The following ATP8B1 variants were observed in gnomAD, a reference collection of about 807,000 sequenced individuals.
ATP8B1 encodes ATPase phospholipid transporting 8B1.
ATP8B1 carries 80 observed loss-of-function variants against 149.9 expected under a neutral mutation model. The observed-to-expected ratio is 0.53, with a 90% confidence interval of 0.45 to 0.64. The LOEUF (loss-of-function observed/expected upper bound fraction) is 0.64, where lower values mean the gene tolerates loss of function less well. Among genes scored for constraint, ATP8B1 ranks in the 30% least tolerant of loss-of-function variants. The pLI is 0.00. For synonymous variants in ATP8B1, 536 were observed against 562.8 expected (o/e 0.95, Z 0.67); for missense variants, 1,247 against 1,552.6 (o/e 0.80, Z 3.31).
intron 1 of ATP8B1, among the ~76,000 whole-genome samples, chr18:57,746,467 CTT>C (rs71171082): frequency 0.029 from 2,676 of 93,870 alleles, 43 homozygotes; most frequent in African/African-American, 0.1. Flanking sequence ...CTGATGCTTA[CTT>C]TTTTTTTTTT....
At chr18:57,709,023 G>A (rs1913560093) in intron 2 of ATP8B1, among the ~76,000 whole-genome samples, 1 of 152,188 alleles carries the variant, frequency 6.6e-6, no homozygotes, top group Non-Finnish European at 1.5e-5. Flanking sequence ...AAAGTAACCA[G>A]TATGTCTTTG....
In ATP8B1 at chr18:57,695,274, T is replaced by C. The variant is rs779002702; in HGVS notation, c.837A>G (p.Leu279=). Residue 279 remains leucine, a synonymous_variant, in exon 10 of 28, where the codon CTA becomes CTG. Coordinates refer to ENST00000648908, the MANE Select transcript of ATP8B1 (RefSeq NM_001374385.1). ...NNRLDKFTGT[L]FWRNTSFPLD... ...AAGGAAAACTTGTGTTTCTCCAAAA[T>C]AGTGTTCCTGTAAACTTATCTAGTC... 1.9e-6 allele frequency: 3 copies of C among 1,613,000 alleles called. No individual in the cohort carries two copies. The highest frequency in any genetic ancestry group is 2.2e-5 in the East Asian group (1 of 44,856).
chr18:57,732,125 A>ATG (rs1215330246), intron 1 of ATP8B1: 1 of 16,950 alleles, frequency 5.9e-5, no homozygotes, highest in Admixed American at 7.6e-4. Context: ...ATGTATATAT[A>ATG]TGTGTATATG....
rs116780922 is a variant in ATP8B1 at position 57,791,695 on chromosome 18, C to T, written c.-26+11303G>A. Among the ~76,000 whole-genome samples the T allele has an allele frequency of 5.4e-3, 822 of 152,224 alleles. 10 individuals are homozygous for T. Among genetic ancestry groups the T allele is most frequent in the African/African-American group, 0.019 (786 of 41,538 alleles). On this transcript the variant is annotated intron_variant, in intron 1 of 27. Transcript: ENST00000648908. ...GAAACATCCTAATCATATGGGTACA[C>T]CAATTTTGTTTATTCATTCATTCGT...
At chr18:57,787,378 T>G (rs2080419319) in intron 1 of ATP8B1, among the ~76,000 whole-genome samples, 1 of 152,110 alleles carries the variant, frequency 6.6e-6, no homozygotes, top group Admixed American at 6.5e-5. Context: ...TCTAGAGCAC[T>G]GCGAGAGGAG....
intron 2 of ATP8B1, among the ~76,000 whole-genome samples, chr18:57,708,157 C>CAAA (rs36027330): frequency 5.5e-4 from 37 of 67,032 alleles, no homozygotes; most frequent in Non-Finnish European, 7.0e-4. Context: ...AACTCTGTCT[C>CAAA]AAAAAAAAAA....
chr18:57,715,197 C>G (rs1485768034), intron 2 of ATP8B1, among the ~76,000 whole-genome samples: 2 of 152,064 alleles, frequency 1.3e-5, no homozygotes, highest in Non-Finnish European at 2.9e-5. Context: ...AGCTGAAATT[C>G]CGGAGTTGAA....
At chr18:57,701,534 A>C (rs1913121954) in intron 4 of ATP8B1, among the ~76,000 whole-genome samples, 1 of 152,196 alleles carries the variant, frequency 6.6e-6, no homozygotes, top group Non-Finnish European at 1.5e-5. Context: ...CCTAGAGGGC[A>C]GTGGCTCCTG....
At chr18:57,740,208 A>G (rs983119746) in intron 1 of ATP8B1, among the ~76,000 whole-genome samples, 4 of 151,988 alleles carry the variant, frequency 2.6e-5, no homozygotes, top group African/African-American at 9.7e-5. Flanking sequence ...ATCCTGTCTC[A>G]GCCTCCTAAG....
chr18:57,694,433 CCTT>C, intron 11 of ATP8B1, 146 bp downstream of exon 11: 1 of 579,878 alleles, frequency 1.7e-6, no homozygotes, highest in South Asian at 2.1e-5. Flanking sequence ...AAAAAAAATC[CCTT>C]CTTCCTGCAT....
At chr18:57,775,618 G>C (rs1350019373) in intron 1 of ATP8B1, among the ~76,000 whole-genome samples, 1 of 150,834 alleles carries the variant, frequency 6.6e-6, no homozygotes, top group African/African-American at 2.4e-5. Context: ...GATTCTGTCA[G>C]AGAGCAGTGA....
intron 1 of ATP8B1, among the ~76,000 whole-genome samples, chr18:57,769,258 T>C (rs1348159073): frequency 6.6e-6 from 1 of 152,188 alleles, no homozygotes; most frequent in African/African-American, 2.4e-5. Flanking sequence ...CCCACGACTC[T>C]TCCATCCTCA....
intron 15 of ATP8B1, among the ~76,000 whole-genome samples, chr18:57,676,731 A>G (rs1911619558): frequency 1.3e-5 from 2 of 151,534 alleles, no homozygotes; most frequent in Non-Finnish European, 2.9e-5. Context: ...AAAAAAAAAA[A>G]AAAAAAAGAA....
intron 21 of ATP8B1, 43 bp downstream of exon 21, chr18:57,662,440 C>G: frequency 6.2e-7 from 1 of 1,611,764 alleles, no homozygotes; most frequent in Non-Finnish European, 8.5e-7. Flanking sequence ...AAATGAACTT[C>G]TTTCTTTTGA....
chr18:57,666,131 GAGA>G (rs1354417073), intron 20 of ATP8B1, among the ~76,000 whole-genome samples: 2 of 152,194 alleles, frequency 1.3e-5, no homozygotes, highest in Non-Finnish European at 2.9e-5. Context: ...GCTGGCCTGA[GAGA>G]AGCTCTGTAG....
Position 57,648,277 on chromosome 18 carries a change from C to A in ATP8B1, c.*211G>T, listed in dbSNP as rs1237414762. 2 of 671,666 alleles carry A rather than the reference C, an allele frequency of 3.0e-6. No homozygotes were observed. Among genetic ancestry groups the A allele is most frequent in the South Asian group, 1.8e-5 (1 of 57,002 alleles). The allele number at this position is 671,666 out of a possible 1,614,324, so 41.6% of individuals were successfully genotyped here. The stretch of plus-strand genomic sequence containing the variant: ...CTGGGATTACAGACCTGAGCCACCA[C>A]GCCCGGCCGAATAATAGGACTTTTA... On this transcript the variant is annotated 3_prime_UTR_variant, in exon 28 of 28. Coordinates refer to ENST00000648908, the MANE Select transcript of ATP8B1 (RefSeq NM_001374385.1).
chr18:57,652,083 A>G lies in ATP8B1; in HGVS notation c.3351T>C (p.Phe1117=). 1.9e-6 allele frequency: 3 copies of G among 1,614,096 alleles called. No homozygotes were observed. Among genetic ancestry groups the G allele is most frequent in the South Asian group, 2.2e-5 (2 of 91,090 alleles). The change falls in exon 26 of 28, where the codon TTT becomes TTC. Residue 1117 remains phenylalanine (F), a synonymous_variant. Coordinates refer to ENST00000648908, the MANE Select transcript of ATP8B1 (RefSeq NM_001374385.1). ...IALYFGIMFD[F]HSAGIHVLFP... ...AGAGAACATGTATTCCAGCACTATG[A>G]AAGTCAAACATGATGCCAAAATAAA...
chr18:57,666,228 C>T (rs1184104262), intron 20 of ATP8B1, among the ~76,000 whole-genome samples: 1 of 152,168 alleles, frequency 6.6e-6, no homozygotes, highest in Non-Finnish European at 1.5e-5. Context: ...CAGAACAAGA[C>T]AGGGCTTTTT....
chr18:57,707,551 C>G (rs1301839480), intron 2 of ATP8B1, among the ~76,000 whole-genome samples: 2 of 152,004 alleles, frequency 1.3e-5, no homozygotes, highest in African/African-American at 2.4e-5. Context: ...GTCTTAACAA[C>G]TATAATAATA....
Sources: gnomAD v4.1 joint callset for allele counts (sites outside exome capture counted in the v4.1 genomes callset) on GRCh38, gnomAD v4.1.1 for gene constraint, MANE v1.5 for transcripts, NCBI Gene and HGNC (gene_info 2026-07-23, HGNC 2026-07-21) for gene names.